EFCC1: variants seen among roughly 807,000 people sequenced by gnomAD.
The protein encoded by EFCC1 is EF-hand and coiled-coil domain containing 1.
A neutral mutation model predicts 52.1 loss-of-function variants in EFCC1; 50 were observed. That is an observed-to-expected ratio of 0.96 (90% CI 0.76 to 1.21). EFCC1 has a LOEUF of 1.21. EFCC1 is among the 50% of genes most tolerant of loss of function. The probability of loss-of-function intolerance (pLI) is 0.00; values close to 1 mark genes in which losing one functional copy is unlikely to be tolerated. For missense variants in EFCC1, 837 were observed against 867.3 expected, an observed-to-expected ratio of 0.97 and a Z score of 0.44; for synonymous variants, 399 against 396.5, an observed-to-expected ratio of 1.01 and a Z score of -0.08.
At position 129,030,987 on chromosome 3, in the gene EFCC1, A is replaced by G. The variant is rs1217610761; in HGVS notation, c.1138+127A>G. The G allele has an allele frequency of 4.7e-6, 6 of 1,270,132 alleles. No individual in the cohort carries two copies. The East Asian group carries it at 1.6e-4, about 33-fold the overall frequency. 78.7% of individuals were successfully genotyped at this position (1,270,132 alleles called of 1,614,324 possible). ...CCTCCAAACAGAGCCCACTCCCACC[A>G]GGTGCTCAGGCTGGGCTGGGGCCCT... On this transcript the variant is annotated intron_variant, in intron 3 of 7. Transcript: ENST00000683648.
In EFCC1 at chr3:129,003,309, ATG is replaced by A. The variant is rs551394186; in HGVS notation, c.697-482_697-481del. On this transcript the variant is annotated intron_variant, in intron 1 of 7. Transcript: ENST00000683648. ...GCTTGGTATTTATTGAGCACCTACT[ATG>A]TGCCAGGTTTGTTTTAGGCTCTGGG... 1.3e-3 allele frequency: 1,295 copies of A among 984,536 alleles called. 3 individuals are homozygous for A. Among genetic ancestry groups the A allele is most frequent in the South Asian group, 1.8e-3 (39 of 21,256 alleles). The allele number at this position is 984,536 out of a possible 1,614,324, so 61.0% of individuals were successfully genotyped here. A position where few individuals can be genotyped will look rare whatever the true frequency, so the allele number is the denominator to read the frequency against.
At position 129,019,830 on chromosome 3, in the gene EFCC1, A is replaced by G. The variant is rs556629752; in HGVS notation, c.981-10873A>G. ...GTTGCCCAGGCTGGAGTGCAATGGT[A>G]TGATCTCAGCTCACTGCAACCTCCA... On this transcript the variant is annotated intron_variant, in intron 2 of 7. Transcript: ENST00000683648. Among the ~76,000 whole-genome samples the G allele has an allele frequency of 1.7e-3, 226 of 130,128 alleles. 2 individuals carry two copies. The highest frequency in any genetic ancestry group is 7.3e-3 in the South Asian group (31 of 4,248). The allele number at this position is 130,128 out of a possible 152,430, so 85.4% of individuals were successfully genotyped here.
chr3:129,040,170 A>G lies in EFCC1; in HGVS notation c.*322A>G, dbSNP rs149523634. The G allele has an allele frequency of 0.013, 3,988 of 305,622 alleles. 44 individuals carry two copies. Among genetic ancestry groups the G allele is most frequent in the Admixed American group, 0.02 (389 of 19,592 alleles). 18.9% of individuals were successfully genotyped at this position (305,622 alleles called of 1,614,324 possible). On this transcript the variant is annotated 3_prime_UTR_variant, in exon 8 of 8. Transcript: ENST00000683648. This position sits in a 1 kb window ranked among gnomAD's most constrained non-coding sequence, Gnocchi z 4.4. ...CCCTGCCCTCAGGGCAGAGATGCCC[A>G]CTTTCTGACTGAGTCTGACCCCAAA...
At chr3:129,033,754 G>A (rs1310599846) in intron 4 of EFCC1, among the ~76,000 whole-genome samples, 4 of 152,212 alleles carry the variant, frequency 2.6e-5, no homozygotes, top group Admixed American at 2.6e-4. Flanking sequence ...GCCTGAGGAA[G>A]AGGGGTCACA....
chr3:129,006,928 G>T (rs1026238456), intron 2 of EFCC1, among the ~76,000 whole-genome samples: 6 of 152,216 alleles, frequency 3.9e-5, no homozygotes, highest in African/African-American at 1.4e-4. Flanking sequence ...GAATAGCCAT[G>T]GGCATTTATT....
At chr3:129,029,152 CT>C (rs1946215215) in intron 2 of EFCC1, among the ~76,000 whole-genome samples, 1 of 152,198 alleles carries the variant, frequency 6.6e-6, no homozygotes, top group Non-Finnish European at 1.5e-5. Flanking sequence ...TGTGGTTTTG[CT>C]TCATATTGGG....
chr3:129,017,505 G>A lies in EFCC1; in HGVS notation c.981-13198G>A, dbSNP rs112169870. ...GGGTCTGGACCCCCTGGGAAAGCCC[G>A]TTCCAGTGTTGGCAGAATCCAGCTC... On this transcript the variant is annotated intron_variant, in intron 2 of 7. Coordinates refer to ENST00000683648, the MANE Select transcript of EFCC1 (RefSeq NM_001377500.1). Among the ~76,000 whole-genome samples, 1,307 of 152,344 alleles carry A rather than the reference G, an allele frequency of 8.6e-3. 21 individuals carry two copies. Among genetic ancestry groups the A allele is most frequent in the African/African-American group, 0.03 (1,228 of 41,580 alleles).
At position 129,030,874 on chromosome 3, in the gene EFCC1, G is replaced by A. The variant is rs1347738862; in HGVS notation, c.1138+14G>A. The A allele has an allele frequency of 6.5e-7, 1 of 1,544,390 alleles. No homozygotes were observed. The highest frequency in any genetic ancestry group is 2.5e-5 in the East Asian group (1 of 40,768). ...CCCTGGATGAAGGTTTGTCCCCTGT[G>A]CGCCCAGTCTTCCTGCCAGGCTCAC... On this transcript the variant is annotated intron_variant, in intron 3 of 7. Coordinates refer to ENST00000683648, the MANE Select transcript of EFCC1 (RefSeq NM_001377500.1).
In EFCC1 at chr3:129,004,032, T is replaced by C. The variant is rs773242029; in HGVS notation, c.935T>C (p.Leu312Ser). ...LEALAQQVPG[L>S]QRWVRRLEAE... ...GCGCTGGCGCAACAGGTGCCCGGCT[T>C]GCAGCGCTGGGTGCGGCGGCTGGAG... Residue 312 changes from leucine (L) to serine (S), a missense_variant, in exon 2 of 8, where the codon TTG becomes TCG. By Grantham distance (145) the Leu-to-Ser change is moderately radical. Coordinates refer to ENST00000683648, the MANE Select transcript of EFCC1 (RefSeq NM_001377500.1). 1 of 1,511,054 alleles carries C rather than the reference T, an allele frequency of 6.6e-7. No individual in the cohort carries two copies. The highest frequency in any genetic ancestry group is 1.2e-5 in the South Asian group (1 of 82,868). 93.6% of individuals were successfully genotyped at this position (1,511,054 alleles called of 1,614,324 possible).
rs1945464361 is a variant in EFCC1 at position 129,014,222 on chromosome 3, C to T, written c.980+10145C>T. Reference sequence around the variant, plus strand: ...GAGACCCTGCCCTCGTGGACCAACTCTCAGTGCGTTACGCTGTTGACCACC... The same window carrying T: ...GAGACCCTGCCCTCGTGGACCAACTTTCAGTGCGTTACGCTGTTGACCACC... On this transcript the variant is annotated intron_variant, in intron 2 of 7. Transcript: ENST00000683648. This position sits in a 1 kb window ranked among gnomAD's most constrained non-coding sequence, Gnocchi z 4.3. Among the ~76,000 whole-genome samples the T allele has an allele frequency of 6.6e-6, 1 of 152,232 alleles. No individual in the cohort carries two copies. The highest frequency in any genetic ancestry group is 6.5e-5 in the Admixed American group (1 of 15,288).
rs1051120059 is a variant in EFCC1 at position 129,001,867 on chromosome 3, G to A, written c.239G>A (p.Arg80Gln). The part of the protein sequence containing the change: ...GAGRLPRADF[R>Q]ALCAVLGLRA... The stretch of plus-strand genomic sequence containing the variant: ...GGCCGTCTGCCCCGCGCCGACTTCC[G>A]AGCGCTCTGCGCTGTGCTGGGGCTG... Residue 80 changes from arginine (R) to glutamine (Q), a missense_variant, in exon 1 of 8, where the codon CGA becomes CAA. Arg to Gln is a conservative substitution (Grantham distance 43). Transcript: ENST00000683648. 6 of 1,546,106 alleles carry A rather than the reference G, an allele frequency of 3.9e-6. No individual in the cohort carries two copies. Among genetic ancestry groups the A allele is most frequent in the African/African-American group, 2.8e-5 (2 of 72,460 alleles).
At chr3:129,033,548 C>A (rs1439196784) in intron 4 of EFCC1, among the ~76,000 whole-genome samples, 1 of 152,190 alleles carries the variant, frequency 6.6e-6, no homozygotes, top group African/African-American at 2.4e-5. Flanking sequence ...TAGGTGGGAA[C>A]GCCGGTGGGG....
rs113446817 is a variant in EFCC1, at chr3:129,019,900, C to A, written c.981-10803C>A. Among the ~76,000 whole-genome samples the A allele has an allele frequency of 8.2e-3, 1,248 of 151,482 alleles. 20 individuals carry two copies. The highest frequency in any genetic ancestry group is 0.028 in the African/African-American group (1,170 of 41,286). On this transcript the variant is annotated intron_variant, in intron 2 of 7. Transcript: ENST00000683648. The stretch of plus-strand genomic sequence containing the variant: ...TCTCCTGCCTCAGCCTCCCAAGTAG[C>A]TGGGACTATAGGTACCCACCACCAC...
intron 2 of EFCC1, among the ~76,000 whole-genome samples, chr3:129,004,984 G>A (rs761049336): frequency 6.6e-6 from 1 of 152,182 alleles, no homozygotes; most frequent in Non-Finnish European, 1.5e-5. Context: ...GCTGTGAAGA[G>A]GCCATGAGGT....
chr3:129,040,338 G>A lies in EFCC1; in HGVS notation c.*490G>A, dbSNP rs780170363. 1 of 155,492 alleles carries A rather than the reference G, an allele frequency of 6.4e-6. No individual in the cohort carries two copies. Among genetic ancestry groups the A allele is most frequent in the Non-Finnish European group, 1.4e-5 (1 of 70,434 alleles). 9.6% of individuals were successfully genotyped at this position (155,492 alleles called of 1,614,324 possible). ...AGCACTCCACACCCCAGGAAATGTT[G>A]ATGACTAGGAAAGGCTGAGGGAATT... On this transcript the variant is annotated 3_prime_UTR_variant, in exon 8 of 8. Transcript: ENST00000683648. This position sits in a 1 kb window ranked among gnomAD's most constrained non-coding sequence, Gnocchi z 4.4.
intron 2 of EFCC1, among the ~76,000 whole-genome samples, chr3:129,026,919 T>C (rs138551883): frequency 6.6e-6 from 1 of 152,200 alleles, no homozygotes; most frequent in African/African-American, 2.4e-5. Context: ...ATCAGAGTCA[T>C]GGGCTCAAAA....
rs949180175 is a variant in EFCC1, at chr3:129,039,933, G to A, written c.*85G>A. 4.4e-5 allele frequency: 64 copies of A among 1,468,936 alleles called. No individual in the cohort carries two copies. Among genetic ancestry groups the A allele is most frequent in the Non-Finnish European group, 5.4e-5 (59 of 1,102,370 alleles). The allele number at this position is 1,468,936 out of a possible 1,614,324, so 91.0% of individuals were successfully genotyped here. A position where few individuals can be genotyped will look rare whatever the true frequency, so the allele number is the denominator to read the frequency against. The stretch of plus-strand genomic sequence containing the variant: ...ATGATCAGCCCAACCACTGACAGCT[G>A]GTCTGACCACCGTCACATCATCAGA... On this transcript the variant is annotated 3_prime_UTR_variant, in exon 8 of 8. Coordinates refer to ENST00000683648, the MANE Select transcript of EFCC1 (RefSeq NM_001377500.1).
At position 129,030,829 on chromosome 3, in the gene EFCC1, C is replaced by A. The variant is rs1400994067; in HGVS notation, c.1107C>A (p.Asp369Glu). 1 of 1,551,484 alleles carries A rather than the reference C, an allele frequency of 6.4e-7. No individual in the cohort carries two copies. The highest frequency in any genetic ancestry group is 8.7e-7 in the Non-Finnish European group (1 of 1,146,872). Residue 369 changes from aspartate to glutamate, a missense_variant, in exon 3 of 8, where the codon GAC becomes GAA. Asp to Glu is a conservative substitution (Grantham distance 45). Coordinates refer to ENST00000683648, the MANE Select transcript of EFCC1 (RefSeq NM_001377500.1). The part of the protein sequence containing the change: ...DPTPEGAWQS[D>E]SSSGSRALDE... The stretch of plus-strand genomic sequence containing the variant: ...CTCCAGAGGGAGCCTGGCAGTCAGA[C>A]AGCAGCTCTGGAAGCAGAGCCCTGG...
chr3:129,030,040 G>T (rs1946239218), intron 2 of EFCC1, among the ~76,000 whole-genome samples: 1 of 151,958 alleles, frequency 6.6e-6, no homozygotes, highest in African/African-American at 2.4e-5. Context: ...ACAAAAATTA[G>T]CTGGGTGTGG....
Sources: gnomAD v4.1 joint callset for allele counts (sites outside exome capture counted in the v4.1 genomes callset) on GRCh38, gnomAD v4.1.1 for gene constraint, Gnocchi (gnomAD v3.1) non-coding constraint, MANE v1.5 for transcripts, NCBI Gene and HGNC (gene_info 2026-07-23, HGNC 2026-07-21) for gene names.